Variants in SV2B observed in about 807,000 individuals in gnomAD.
SV2B encodes synaptic vesicle glycoprotein 2B, also known as solute carrier family 22 member B2.
A neutral mutation model predicts 73.9 loss-of-function variants in SV2B; 41 were observed. The observed-to-expected ratio is 0.56, with a 90% CI of 0.43 to 0.72. The LOEUF is 0.72. SV2B is among the 30% of genes least tolerant of loss of function. The probability of loss-of-function intolerance (pLI) is 0.00; values close to 1 mark genes in which losing one functional copy is unlikely to be tolerated. For synonymous variants in SV2B, 314 were observed against 314.2 expected (o/e 1.00, Z 0.01); for missense variants, 764 against 857.8 (o/e 0.89, Z 1.37).
At chr15:91,112,723 A>T (rs17594138) in intron 1 of SV2B, among the ~76,000 whole-genome samples, 3,753 of 152,304 alleles carry the variant, frequency 0.025, 80 homozygotes, top group South Asian at 0.034. Context: ...ATCATTTTGG[A>T]TACATTAAAG....
chr15:91,298,340 A>T lies in SV2B; in HGVS notation c.*5788A>T, dbSNP rs534484022. ...CTGTGTCGCATTTAGGCCCAGCTCTAAGAACCGTTTGGAAATAAATCACAT... is the reference window on the plus strand; with the variant it reads ...CTGTGTCGCATTTAGGCCCAGCTCTTAGAACCGTTTGGAAATAAATCACAT... On this transcript the variant is annotated 3_prime_UTR_variant, in exon 13 of 13. Transcript: ENST00000394232. This position sits in a 1 kb window ranked among gnomAD's most constrained non-coding sequence, Gnocchi z 5.4. 1.3e-5 allele frequency: 2 copies of T among 152,324 alleles called. No homozygotes were observed. Among genetic ancestry groups the T allele is most frequent in the African/African-American group, 4.8e-5 (2 of 41,564 alleles). The allele number at this position is 152,324 out of a possible 1,614,324, so 9.4% of individuals were successfully genotyped here.
chr15:91,250,007 C>T (rs942117598), intron 2 of SV2B, among the ~76,000 whole-genome samples: 1 of 152,202 alleles, frequency 6.6e-6, no homozygotes, highest in Non-Finnish European at 1.5e-5. Flanking sequence ...TTTACAAACT[C>T]ATTTTACAAA....
At chr15:91,178,745 T>G (rs1425812831) in intron 1 of SV2B, among the ~76,000 whole-genome samples, 1 of 150,024 alleles carries the variant, frequency 6.7e-6, no homozygotes, top group African/African-American at 2.5e-5. Flanking sequence ...GATATCCCCT[T>G]TATCATTTTT....
rs1031892152 is a variant in SV2B at position 91,280,659 on chromosome 15, T to C, written c.1374-1069T>C. 6.6e-6 allele frequency among the ~76,000 whole-genome samples: 1 copy of C among 152,244 alleles called. No homozygotes were observed. The highest frequency in any genetic ancestry group is 2.4e-5 in the African/African-American group (1 of 41,476). On this transcript the variant is annotated intron_variant, in intron 9 of 12. Transcript: ENST00000394232. This position sits in a 1 kb window ranked among gnomAD's most constrained non-coding sequence, Gnocchi z 5.8. ...TTGCATTGTTCTTTCCTATTAAATA[T>C]GCAGGAGTTGGAGAGGTGCAGTGAC...
intron 1 of SV2B, among the ~76,000 whole-genome samples, chr15:91,188,498 G>A (rs1395640376): frequency 6.6e-6 from 1 of 151,826 alleles, no homozygotes; most frequent in African/African-American, 2.4e-5. Context: ...TGTATTTTTA[G>A]TAGAGACGGG....
At chr15:91,277,088 G>A (rs571738694) in intron 9 of SV2B, among the ~76,000 whole-genome samples, 1 of 152,164 alleles carries the variant, frequency 6.6e-6, no homozygotes, top group East Asian at 1.9e-4. Flanking sequence ...TCCCAACTGA[G>A]TATTATTTTT....
intron 4 of SV2B, among the ~76,000 whole-genome samples, chr15:91,257,128 A>G (rs1278832818): frequency 3.9e-5 from 6 of 152,190 alleles, no homozygotes; most frequent in Non-Finnish European, 7.3e-5. Flanking sequence ...ATTTTTTAAA[A>G]ATTCTTTTGC....
rs2141170833 is a variant in SV2B at position 91,136,197 on chromosome 15, G to A, written c.-392+35834G>A. ...CCACTGGTCTCTGATATGCCAAAGA[G>A]GGGCCTGCTGGAGAGAACTTAGCAG... On this transcript the variant is annotated intron_variant, in intron 1 of 12. Coordinates refer to ENST00000394232, the MANE Select transcript of SV2B (RefSeq NM_001323032.3). The surrounding 1 kb of genome is among the most constrained non-coding windows in gnomAD (Gnocchi z 5.6). Among the ~76,000 whole-genome samples, 1 of 152,350 alleles carries A rather than the reference G, an allele frequency of 6.6e-6. No homozygotes were observed. Among genetic ancestry groups the A allele is most frequent in the South Asian group, 2.1e-4 (1 of 4,830 alleles).
Position 91,292,442 on chromosome 15 carries a change from T to G in SV2B, c.1942T>G (p.Phe648Val), listed in dbSNP as rs1284639167. 6.2e-7 allele frequency: 1 copy of G among 1,614,204 alleles called. No homozygotes were observed. Among genetic ancestry groups the G allele is most frequent in the South Asian group, 1.1e-5 (1 of 91,084 alleles). ...CCTGGGAAACACCATCTTTGCTTCT[T>G]TTGTTGGGATAACCAAAGTGGTCCC... is the stretch of plus-strand genomic sequence containing the variant. ...AILGNTIFAS[F>V]VGITKVVPIL... The change falls in exon 13 of 13, where the codon TTT becomes GTT. Residue 648 changes from phenylalanine (F) to valine (V), a missense_variant. By Grantham distance (50) the Phe-to-Val change is conservative. Transcript: ENST00000394232.
At chr15:91,148,197 T>C (rs926653255) in intron 1 of SV2B, among the ~76,000 whole-genome samples, 1 of 151,942 alleles carries the variant, frequency 6.6e-6, no homozygotes, top group African/African-American at 2.4e-5. Flanking sequence ...GTCAGGCTGG[T>C]CTCAAACTCC....
In SV2B at chr15:91,258,587, G is replaced by A. The variant is rs759788733; in HGVS notation, c.918+33G>A. On this transcript the variant is annotated intron_variant, in intron 5 of 12. Transcript: ENST00000394232. This position sits in a 1 kb window ranked among gnomAD's most constrained non-coding sequence, Gnocchi z 4.7. Reference sequence around the variant, plus strand: ...AGTGCTTTTCCACCAGGGGGAGAGTGACAAAACAGCCACAGGAACCCAGCC... The same window carrying A: ...AGTGCTTTTCCACCAGGGGGAGAGTAACAAAACAGCCACAGGAACCCAGCC... 7.4e-6 allele frequency: 12 copies of A among 1,611,334 alleles called. No homozygotes were observed. In the South Asian group the frequency reaches 1.2e-4, roughly 16 times the overall value.
intron 4 of SV2B, among the ~76,000 whole-genome samples, chr15:91,254,646 C>T (rs1026840229): frequency 8.5e-5 from 13 of 152,248 alleles, no homozygotes; most frequent in African/African-American, 3.1e-4. Context: ...TGGGACAAGT[C>T]AATCCATCTT....
intron 1 of SV2B, among the ~76,000 whole-genome samples, chr15:91,186,240 GA>G (rs1249666748): frequency 2.6e-5 from 4 of 152,148 alleles, no homozygotes; most frequent in African/African-American, 7.2e-5. Flanking sequence ...AGGGCCTCTG[GA>G]GAACTATTTG....
intron 9 of SV2B, among the ~76,000 whole-genome samples, chr15:91,278,835 T>C (rs2048589388): frequency 6.6e-6 from 1 of 152,056 alleles, no homozygotes; most frequent in Admixed American, 6.5e-5. Flanking sequence ...TCTAAGGTAA[T>C]ATGTGAGAAG....
At position 91,226,518 on chromosome 15, in the gene SV2B, G is replaced by A. The variant is rs1456891325; in HGVS notation, c.255G>A (p.Leu85=). 6.2e-7 allele frequency: 1 copy of A among 1,614,074 alleles called. No homozygotes were observed. Among genetic ancestry groups the A allele is most frequent in the Non-Finnish European group, 8.5e-7 (1 of 1,180,038 alleles). ...RGQTDLMAER[L]EDEEQLAHQY... is the part of the protein sequence containing the mutation. ...AGACAGACCTGATGGCTGAGAGGCT[G>A]GAAGATGAGGAGCAGTTGGCCCACC... Residue 85 remains leucine, a synonymous_variant, in exon 2 of 13, where the codon CTG becomes CTA. Coordinates refer to ENST00000394232, the MANE Select transcript of SV2B (RefSeq NM_001323032.3).
chr15:91,260,808 T>C (rs1250927370), intron 6 of SV2B, among the ~76,000 whole-genome samples: 2 of 152,138 alleles, frequency 1.3e-5, no homozygotes, highest in Admixed American at 6.5e-5. Context: ...TACATGGTGG[T>C]GGCAAGAGAA....
At chr15:91,125,404 C>G (rs1454158100) in intron 1 of SV2B, among the ~76,000 whole-genome samples, 2 of 152,096 alleles carry the variant, frequency 1.3e-5, no homozygotes, top group Non-Finnish European at 2.9e-5. Flanking sequence ...TATAAATCAT[C>G]CAACGGTGAT....
chr15:91,131,606 G>A (rs770522321), intron 1 of SV2B, among the ~76,000 whole-genome samples: 1 of 151,302 alleles, frequency 6.6e-6, no homozygotes, highest in Non-Finnish European at 1.5e-5. Context: ...GGAATTTGGC[G>A]TCAGCCTGGG....
chr15:91,108,055 T>C (rs2041937999), intron 1 of SV2B, among the ~76,000 whole-genome samples: 1 of 152,216 alleles, frequency 6.6e-6, no homozygotes, highest in South Asian at 2.1e-4. Flanking sequence ...CCCAGTGTTC[T>C]GCAGTCTCCT....
Sources: allele counts gnomAD v4.1 joint callset (sites outside exome capture counted in the v4.1 genomes callset), GRCh38; gene constraint gnomAD v4.1.1; non-coding constraint Gnocchi (gnomAD v3.1); transcripts MANE v1.5; gene names NCBI Gene and HGNC (gene_info 2026-07-23, HGNC 2026-07-21).